The following PDE4B variants were observed in gnomAD, a reference collection of about 807,000 sequenced individuals.
PDE4B encodes phosphodiesterase 4B.
A neutral mutation model predicts 82.2 loss-of-function variants in PDE4B; 20 were observed. That is an observed-to-expected ratio of 0.24 (90% CI 0.17 to 0.35). PDE4B has a LOEUF of 0.35. Among genes scored for constraint, PDE4B ranks in the 10% least tolerant of loss-of-function variants. The pLI, the probability that PDE4B is intolerant of heterozygous loss-of-function variation, is 1.00. For synonymous variants in PDE4B, 320 were observed against 318.9 expected (o/e 1.00, Z -0.04); for missense variants, 655 against 907.2 (o/e 0.72, Z 3.57).
chr1:65,965,849 C>T (rs769292777), intron 3 of PDE4B, among the ~76,000 whole-genome samples: 1 of 152,072 alleles, frequency 6.6e-6, no homozygotes, highest in Non-Finnish European at 1.5e-5. Flanking sequence ...ATTCAACACC[C>T]CTTCATGCTA....
chr1:66,313,464 C>G (rs1296305889), intron 7 of PDE4B, among the ~76,000 whole-genome samples: 1 of 152,162 alleles, frequency 6.6e-6, no homozygotes, highest in Non-Finnish European at 1.5e-5. Context: ...AGATTCACTT[C>G]CCTTCTCCTG....
intron 2 of PDE4B, among the ~76,000 whole-genome samples, chr1:65,916,411 T>G (rs1214657726): frequency 6.6e-6 from 1 of 151,982 alleles, no homozygotes; most frequent in Non-Finnish European, 1.5e-5. Context: ...AGTTCTTTTT[T>G]CTAAAGAAGA....
At chr1:66,029,313 G>A (rs1378706032) in intron 3 of PDE4B, among the ~76,000 whole-genome samples, 1 of 152,140 alleles carries the variant, frequency 6.6e-6, no homozygotes, top group African/African-American at 2.4e-5. Context: ...CTCTCCCTGA[G>A]TCCCTCCCAC....
At chr1:66,157,159 G>A (rs765950931) in intron 3 of PDE4B, among the ~76,000 whole-genome samples, 5 of 152,082 alleles carry the variant, frequency 3.3e-5, no homozygotes, top group Admixed American at 6.6e-5. Context: ...CACAGATGCC[G>A]CCCTAGCTGA....
At position 65,846,274 on chromosome 1, in the gene PDE4B, C is replaced by T. The variant is rs78130498; in HGVS notation, c.-71+53026C>T. On this transcript the variant is annotated intron_variant, in intron 1 of 16. Transcript: ENST00000341517. ...GAGAGAGGAGGGTGTGGTTTCTGTC[C>T]ATGAGCTCTGCATTTCCCAACCCCT... is the stretch of plus-strand genomic sequence containing the variant. Among the ~76,000 whole-genome samples, 1,172 of 152,292 alleles carry T rather than the reference C, an allele frequency of 7.7e-3. 21 individuals are homozygous for T. Among genetic ancestry groups the T allele is most frequent in the African/African-American group, 0.026 (1,101 of 41,570 alleles).
At chr1:65,988,152 T>C (rs5023204) in intron 3 of PDE4B, among the ~76,000 whole-genome samples, 41,342 of 152,104 alleles carry the variant, frequency 0.27, 5,883 homozygotes, top group East Asian at 0.45. Flanking sequence ...TTAGAAATGC[T>C]TACTGCCATA....
chr1:65,953,560 A>G (rs559209757), intron 3 of PDE4B, among the ~76,000 whole-genome samples: 6 of 152,208 alleles, frequency 3.9e-5, no homozygotes, highest in African/African-American at 1.4e-4. Context: ...GTGAAAAAGC[A>G]AGAAAAGGGA....
chr1:66,258,281 T>G (rs549062588), intron 6 of PDE4B, among the ~76,000 whole-genome samples: 1 of 152,332 alleles, frequency 6.6e-6, no homozygotes, highest in South Asian at 2.1e-4. Context: ...TTTGCCTAAT[T>G]TTTGATTGTC....
chr1:66,085,515 G>A (rs1462818158), intron 3 of PDE4B, among the ~76,000 whole-genome samples: 1 of 152,132 alleles, frequency 6.6e-6, no homozygotes, highest in Admixed American at 6.6e-5. Context: ...TTTAATGAAT[G>A]GGGAAGTTTT....
intron 3 of PDE4B, among the ~76,000 whole-genome samples, chr1:66,163,056 A>G (rs1451511717): frequency 1.3e-5 from 2 of 152,162 alleles, no homozygotes; most frequent in African/African-American, 4.8e-5. Context: ...ATTTGTCATA[A>G]TGTTTCTTAC....
intron 7 of PDE4B, among the ~76,000 whole-genome samples, chr1:66,329,712 C>A (rs1301972250): frequency 6.6e-6 from 1 of 152,062 alleles, no homozygotes; most frequent in Non-Finnish European, 1.5e-5. Context: ...TTATTTAATC[C>A]CTTTATAACT....
intron 3 of PDE4B, among the ~76,000 whole-genome samples, chr1:65,933,465 G>T (rs897479872): frequency 6.6e-5 from 10 of 152,168 alleles, no homozygotes; most frequent in African/African-American, 2.4e-4. Flanking sequence ...GGCCACGGCG[G>T]GCGGATCACT....
chr1:66,145,114 C>G (rs1339474605), intron 3 of PDE4B, among the ~76,000 whole-genome samples: 6 of 152,164 alleles, frequency 3.9e-5, no homozygotes, highest in African/African-American at 9.7e-5. Flanking sequence ...CAGCATTAAC[C>G]TATTCCTTTC....
intron 3 of PDE4B, among the ~76,000 whole-genome samples, chr1:66,032,882 C>T (rs1258786652): frequency 6.6e-6 from 1 of 151,862 alleles, no homozygotes; most frequent in Non-Finnish European, 1.5e-5. Context: ...TCTCGATCTT[C>T]TGACCTTGTG....
intron 3 of PDE4B, among the ~76,000 whole-genome samples, chr1:66,130,349 A>G (rs1043335265): frequency 3.9e-5 from 6 of 152,218 alleles, no homozygotes; most frequent in Non-Finnish European, 8.8e-5. Flanking sequence ...TTATTCTTTC[A>G]TTCATTCATT....
At chr1:66,286,651 C>T (rs995122574) in intron 7 of PDE4B, among the ~76,000 whole-genome samples, 1 of 152,124 alleles carries the variant, frequency 6.6e-6, no homozygotes, top group African/African-American at 2.4e-5. Context: ...TGAGAATTCA[C>T]AGTTTGCCTA....
chr1:65,806,818 C>T (rs963764584), intron 1 of PDE4B, among the ~76,000 whole-genome samples: 26 of 152,210 alleles, frequency 1.7e-4, no homozygotes. Flanking sequence ...CTCATTACTG[C>T]TATCTCTCTG....
At chr1:66,199,735 C>T (rs530547888) in intron 3 of PDE4B, among the ~76,000 whole-genome samples, 30 of 152,154 alleles carry the variant, frequency 2.0e-4, no homozygotes, top group Non-Finnish European at 3.4e-4. Context: ...CACCTTCCAG[C>T]TCCATAAAAA....
chr1:66,242,625 G>T (rs992607988), intron 3 of PDE4B, among the ~76,000 whole-genome samples: 2 of 152,124 alleles, frequency 1.3e-5, no homozygotes, highest in African/African-American at 4.8e-5. Flanking sequence ...ACCACCCTGG[G>T]GACAATTGCA....
Sources: gnomAD v4.1 joint callset for allele counts (sites outside exome capture counted in the v4.1 genomes callset) on GRCh38, gnomAD v4.1.1 for gene constraint, MANE v1.5 for transcripts, NCBI Gene and HGNC (gene_info 2026-07-23, HGNC 2026-07-21) for gene names.